ANKRD36C: variants seen among roughly 807,000 people sequenced by gnomAD.
The protein encoded by ANKRD36C is ankyrin repeat domain 36C.
A neutral mutation model predicts 276.4 loss-of-function variants in ANKRD36C; 61 were observed. That is an observed-to-expected ratio of 0.22 (90% confidence interval 0.18 to 0.27). The LOEUF is 0.27. Ranked by LOEUF, ANKRD36C falls within the 10% of genes least tolerant of loss-of-function variation. The pLI is 1.00. For synonymous variants in ANKRD36C, 483 were observed against 680.1 expected, an observed-to-expected ratio of 0.71 and a Z score of 4.51; for missense variants, 1,447 against 2,032.3, an observed-to-expected ratio of 0.71 and a Z score of 5.54.
At chr2:95,944,601 T>G in intron 19 of ANKRD36C, 26 bp downstream of exon 19, 1 of 1,534,828 alleles carries the variant, frequency 6.5e-7, no homozygotes, top group Non-Finnish European at 8.7e-7. Flanking sequence ...TATTCTATGT[T>G]GGCTTTTAAC....
At chr2:95,882,758 A>G (rs1470896271) in intron 54 of ANKRD36C, among the ~76,000 whole-genome samples, 1 of 152,204 alleles carries the variant, frequency 6.6e-6, no homozygotes, top group Non-Finnish European at 1.5e-5. Flanking sequence ...AAAAAGTGTC[A>G]ATATCAATGT....
At chr2:95,874,012 C>T (rs1252813936) in intron 59 of ANKRD36C, among the ~76,000 whole-genome samples, 2 of 151,964 alleles carry the variant, frequency 1.3e-5, no homozygotes, top group African/African-American at 2.4e-5. Flanking sequence ...CAAATCACTG[C>T]TCAAGGAAAT....
chr2:95,943,833 C>A (rs937826483), intron 19 of ANKRD36C, among the ~76,000 whole-genome samples: 2 of 151,598 alleles, frequency 1.3e-5, no homozygotes, highest in Non-Finnish European at 2.9e-5. Context: ...ATTTTCTTTC[C>A]ATTTAGAATT....
intron 60 of ANKRD36C, among the ~76,000 whole-genome samples, chr2:95,862,073 C>T (rs1047296765): frequency 1.3e-5 from 2 of 151,844 alleles, no homozygotes; most frequent in Non-Finnish European, 2.9e-5. Context: ...CCCCTAATAA[C>T]AAACCAGCCT....
chr2:95,914,606 A>G (rs760212929), intron 38 of ANKRD36C, among the ~76,000 whole-genome samples: 12 of 151,508 alleles, frequency 7.9e-5, no homozygotes, highest in Non-Finnish European at 1.8e-4. Context: ...TATGTGATCT[A>G]AAATCAGAGG....
intron 60 of ANKRD36C, among the ~76,000 whole-genome samples, chr2:95,867,020 A>G (rs1675695834): frequency 6.6e-6 from 1 of 152,214 alleles, no homozygotes; most frequent in Admixed American, 6.5e-5. Flanking sequence ...CTGGGTTTTC[A>G]GCAAGCAGGT....
intron 6 of ANKRD36C, among the ~76,000 whole-genome samples, chr2:95,974,306 CACTT>C (rs1173830648): frequency 2.0e-5 from 3 of 152,112 alleles, no homozygotes; most frequent in African/African-American, 7.2e-5. Context: ...GGAGCAGCAT[CACTT>C]ACACTGTCAC....
chr2:95,884,144 A>G (rs560343867), intron 54 of ANKRD36C, 29 bp downstream of exon 74: 5 of 1,590,614 alleles, frequency 3.1e-6, no homozygotes, highest in East Asian at 2.3e-5. Flanking sequence ...TGGACTGAAC[A>G]TGACATTAAA....
At chr2:95,981,383 T>TATA (rs1678911672) in intron 4 of ANKRD36C, among the ~76,000 whole-genome samples, 1 of 148,064 alleles carries the variant, frequency 6.8e-6, no homozygotes, top group Non-Finnish European at 1.5e-5. Flanking sequence ...CTATAAAATA[T>TATA]ATAATATACA....
At chr2:95,908,479 A>T in intron 42 of ANKRD36C, 23 bp downstream of exon 48, 1 of 1,504,430 alleles carries the variant, frequency 6.6e-7, no homozygotes, top group South Asian at 1.2e-5. Flanking sequence ...TGAACATGAC[A>T]TTAAATCTCT....
intron 54 of ANKRD36C, 78 bp downstream of exon 74, chr2:95,884,095 C>T (rs185419469): frequency 6.8e-7 from 1 of 1,471,702 alleles, no homozygotes; most frequent in East Asian, 2.4e-5. Context: ...TCGACGAGCC[C>T]TCCGTTGATT....
chr2:95,921,984 T>C (rs568422802), intron 32 of ANKRD36C, among the ~76,000 whole-genome samples, 174 bp from the exon 33 acceptor site: 19 of 151,778 alleles, frequency 1.3e-4, no homozygotes, highest in African/African-American at 3.9e-4. Context: ...AAAACAGGAA[T>C]TGATGTGTCA....
chr2:95,957,736 T>C (rs1678364158), intron 12 of ANKRD36C, among the ~76,000 whole-genome samples: 1 of 152,382 alleles, frequency 6.6e-6, no homozygotes, highest in East Asian at 1.9e-4. Context: ...TTAAAGAATT[T>C]AACATTATTT....
At chr2:95,851,338 C>A (rs1675288037) in intron 66 of ANKRD36C, 143 bp from the exon 87 acceptor site, 1 of 749,018 alleles carries the variant, frequency 1.3e-6, no homozygotes, top group Non-Finnish European at 2.2e-6. Context: ...GCTCTACAAT[C>A]TGAAACTTTT....
Position 95,982,191 on chromosome 2 carries a change from G to C in ANKRD36C, c.593+65C>G, listed in dbSNP as rs188688156. ...TTAATGTAAAATTTGTGACTTCAGT[G>C]ACCGCTACCACTCTAAAATGACACT... On this transcript the variant is annotated intron_variant, in intron 4 of 66. Coordinates refer to ENST00000456556, the Ensembl canonical transcript of ANKRD36C. 3.1e-4 allele frequency: 387 copies of C among 1,268,722 alleles called. No individual in the cohort carries two copies. In the African/African-American group the frequency reaches 5.2e-3, roughly 17 times the overall value. 78.6% of individuals were successfully genotyped at this position (1,268,722 alleles called of 1,614,324 possible).
chr2:95,880,438 G>A (rs1234084838), exon 58 of ANKRD36C: 10 of 1,554,368 alleles, frequency 6.4e-6, no homozygotes, highest in Admixed American at 1.9e-5. Context: ...TGGTGTGGAT[G>A]TTTGTACATC....
exon 63 of ANKRD36C, chr2:95,855,759 T>C: frequency 6.2e-7 from 1 of 1,613,886 alleles, no homozygotes; most frequent in Non-Finnish European, 8.5e-7. Flanking sequence ...TTCCTGTAAA[T>C]GACAACATTT....
At chr2:95,914,435 T>G (rs959605897) in intron 38 of ANKRD36C, 132 bp from the exon 41 acceptor site, 4 of 1,199,494 alleles carry the variant, frequency 3.3e-6, no homozygotes, top group East Asian at 2.6e-5. Context: ...TTCTACTTTG[T>G]GTCTGGGGAC....
Position 95,902,806 on chromosome 2 carries a change from C to T in ANKRD36C, c.2654-3470G>A, listed in dbSNP as rs1011052976. The T allele has an allele frequency of 9.8e-5, 141 of 1,437,014 alleles. 5 individuals are homozygous for T. Among genetic ancestry groups the T allele is most frequent in the Middle Eastern group, 2.5e-4 (1 of 4,024 alleles). 89.0% of individuals were successfully genotyped at this position (1,437,014 alleles called of 1,614,324 possible). Reference sequence around the variant, plus strand: ...AATCAGAATGTGCAGCTTCAACGAGCCCCCCGCTGATTTATTCACGGAAGA... The same window carrying T: ...AATCAGAATGTGCAGCTTCAACGAGTCCCCCGCTGATTTATTCACGGAAGA... On this transcript the variant is annotated intron_variant, in intron 42 of 66. Transcript: ENST00000456556.
Sources: allele counts gnomAD v4.1 joint callset (sites outside exome capture counted in the v4.1 genomes callset), GRCh38; gene constraint gnomAD v4.1.1; transcripts MANE v1.5; gene names NCBI Gene and HGNC (gene_info 2026-07-23, HGNC 2026-07-21).